CADM1: variants seen among roughly 807,000 people sequenced by gnomAD.
CADM1 encodes TSLC-1.
In CADM1, 15 loss-of-function variants were observed where a neutral mutation model predicts 53.1. The observed-to-expected ratio is 0.28, with a 90% CI of 0.19 to 0.44. CADM1 has a LOEUF of 0.44. Among genes scored for constraint, CADM1 ranks in the 20% least tolerant of loss-of-function variants. The pLI is 1.00. For synonymous variants in CADM1, 281 were observed against 243.0 expected, an observed-to-expected ratio of 1.16 and a Z score of -1.45; for missense variants, 434 against 611.3, an observed-to-expected ratio of 0.71 and a Z score of 3.06.
chr11:115,347,855 T>C (rs1189501595), intron 1 of CADM1, among the ~76,000 whole-genome samples: 2 of 152,192 alleles, frequency 1.3e-5, no homozygotes, highest in Admixed American at 6.5e-5. Context: ...ATGTCAATCA[T>C]ATATATGGCA....
At chr11:115,469,312 A>G (rs1948959414) in intron 1 of CADM1, among the ~76,000 whole-genome samples, 1 of 152,226 alleles carries the variant, frequency 6.6e-6, no homozygotes, top group South Asian at 2.1e-4. Flanking sequence ...GCATTGTTCT[A>G]ATAGTTTTAC....
In CADM1 at chr11:115,348,131, A is replaced by G. The variant is rs1405722175; in HGVS notation, c.125-107711T>C. ...GCGTTTGAGTAGTGCTTGCCTATTG[A>G]AAAGAGAAACCACACCAAGATTTCT... On this transcript the variant is annotated intron_variant, in intron 1 of 11. Coordinates refer to ENST00000331581, the MANE Select transcript of CADM1 (RefSeq NM_001301043.2). Among the ~76,000 whole-genome samples, 5 of 152,288 alleles carry G rather than the reference A, an allele frequency of 3.3e-5. No individual in the cohort carries two copies. The East Asian group carries it at 9.6e-4, about 29-fold the overall frequency.
Position 115,177,342 on chromosome 11 carries a change from C to T in CADM1, c.1298-750G>A, listed in dbSNP as rs151121196. 3.8e-3 allele frequency among the ~76,000 whole-genome samples: 581 copies of T among 152,244 alleles called. 3 individuals are homozygous for T. Among genetic ancestry groups the T allele is most frequent in the African/African-American group, 0.013 (547 of 41,538 alleles). ...GACAGACATTACACAGCTGGGGACA[C>T]TCTTATCACCAAATCCCAACAGTTT... On this transcript the variant is annotated intron_variant, in intron 11 of 11. Transcript: ENST00000331581.
intron 1 of CADM1, among the ~76,000 whole-genome samples, chr11:115,301,604 C>T (rs895221738): frequency 1.3e-5 from 2 of 152,068 alleles, no homozygotes; most frequent in South Asian, 2.1e-4. Context: ...GATCATATAG[C>T]CCCCAAGCCA....
At chr11:115,229,819 T>C (rs1941752436) in intron 4 of CADM1, among the ~76,000 whole-genome samples, 1 of 152,226 alleles carries the variant, frequency 6.6e-6, no homozygotes, top group African/African-American at 2.4e-5. Flanking sequence ...TGGATTTACA[T>C]AATTGAAATT....
intron 10 of CADM1, among the ~76,000 whole-genome samples, chr11:115,182,260 G>A (rs1038973784): frequency 3.3e-5 from 5 of 152,188 alleles, no homozygotes; most frequent in South Asian, 2.1e-4. Context: ...GGAGTGGAAA[G>A]CACTTTTAAA....
chr11:115,499,953 A>T (rs533842968), intron 1 of CADM1, among the ~76,000 whole-genome samples: 1 of 152,314 alleles, frequency 6.6e-6, no homozygotes, highest in East Asian at 1.9e-4. Flanking sequence ...AAGTATGTAT[A>T]TGTATGTATT....
intron 1 of CADM1, among the ~76,000 whole-genome samples, chr11:115,315,752 G>A (rs1027955716): frequency 5.3e-5 from 8 of 151,586 alleles, no homozygotes; most frequent in Middle Eastern, 3.4e-3. Flanking sequence ...ATACTATAGC[G>A]TGTCACAACT....
chr11:115,226,987 G>C (rs1941633942), intron 5 of CADM1, among the ~76,000 whole-genome samples: 5 of 152,084 alleles, frequency 3.3e-5, no homozygotes, highest in Admixed American at 3.3e-4. Flanking sequence ...GTTCCATTCA[G>C]GTTAATATAA....
chr11:115,310,937 T>C (rs1944517073), intron 1 of CADM1, among the ~76,000 whole-genome samples: 1 of 152,196 alleles, frequency 6.6e-6, no homozygotes, highest in South Asian at 2.1e-4. Flanking sequence ...CAGTGTTTTG[T>C]GCAAGCTTTC....
At chr11:115,206,786 T>TTTTTTTTTG (rs1940716976) in intron 8 of CADM1, among the ~76,000 whole-genome samples, 1 of 140,756 alleles carries the variant, frequency 7.1e-6, no homozygotes, top group Non-Finnish European at 1.5e-5. Context: ...TTTTTTTTTT[T>TTTTTTTTTG]TTTAAGCTCA....
At chr11:115,489,576 G>A (rs769614705) in intron 1 of CADM1, among the ~76,000 whole-genome samples, 6 of 152,178 alleles carry the variant, frequency 3.9e-5, no homozygotes, top group East Asian at 1.9e-4. Context: ...ACTGGACTTC[G>A]GTCTTTACAT....
chr11:115,245,648 C>T (rs1013319184), intron 1 of CADM1, among the ~76,000 whole-genome samples: 2 of 152,096 alleles, frequency 1.3e-5, no homozygotes, highest in Non-Finnish European at 2.9e-5. Flanking sequence ...TTTCTGAGAG[C>T]TAGTACAGAG....
At chr11:115,381,152 C>G (rs1468499945) in intron 1 of CADM1, among the ~76,000 whole-genome samples, 1 of 151,918 alleles carries the variant, frequency 6.6e-6, no homozygotes, top group African/African-American at 2.4e-5. Context: ...AAAAAATTAG[C>G]TGGGCATAGT....
At chr11:115,244,785 T>A (rs1411171874) in intron 1 of CADM1, among the ~76,000 whole-genome samples, 1 of 152,232 alleles carries the variant, frequency 6.6e-6, no homozygotes, top group Non-Finnish European at 1.5e-5. Flanking sequence ...TGATTTTTTT[T>A]ATTTCCATAT....
At chr11:115,308,141 C>CTGTGTG (rs199736406) in intron 1 of CADM1, among the ~76,000 whole-genome samples, 53 of 133,482 alleles carry the variant, frequency 4.0e-4, no homozygotes, top group African/African-American at 7.4e-4. Context: ...AACTCTCTCT[C>CTGTGTG]TGTGTGTGTG....
chr11:115,235,140 T>C (rs897130648), intron 3 of CADM1, among the ~76,000 whole-genome samples: 1 of 151,790 alleles, frequency 6.6e-6, no homozygotes, highest in Non-Finnish European at 1.5e-5. Flanking sequence ...TAATAGTTTA[T>C]TGATATGTTA....
chr11:115,389,939 C>T (rs1459725809), intron 1 of CADM1, among the ~76,000 whole-genome samples: 2 of 152,104 alleles, frequency 1.3e-5, no homozygotes, highest in Non-Finnish European at 2.9e-5. Context: ...CTATCAAAAT[C>T]GAATCTGAGC....
chr11:115,197,175 C>T (rs905412813), intron 9 of CADM1, among the ~76,000 whole-genome samples: 13 of 152,162 alleles, frequency 8.5e-5, no homozygotes, highest in African/African-American at 3.1e-4. Flanking sequence ...GGGTGACCTG[C>T]CAAGCATCAA....
Sources: allele counts gnomAD v4.1 joint callset (sites outside exome capture counted in the v4.1 genomes callset), GRCh38; gene constraint gnomAD v4.1.1; transcripts MANE v1.5; gene names NCBI Gene and HGNC (gene_info 2026-07-23, HGNC 2026-07-21).